The following GEMIN2 variants were observed in gnomAD, a reference collection of about 807,000 sequenced individuals.
The protein encoded by GEMIN2 is gem nuclear organelle associated protein 2.
A neutral mutation model predicts 45.8 loss-of-function variants in GEMIN2; 37 were observed. The observed-to-expected ratio is 0.81, with a 90% CI of 0.62 to 1.06. The LOEUF (loss-of-function observed/expected upper bound fraction) is 1.06. GEMIN2 is among the 50% of genes least tolerant of loss of function. The pLI is 0.00. For synonymous variants in GEMIN2, 101 were observed against 111.5 expected (o/e 0.91, Z 0.60); for missense variants, 335 against 321.8 (o/e 1.04, Z -0.31).
intron 8 of GEMIN2, among the ~76,000 whole-genome samples, chr14:39,133,018 GTGTGTGTGTA>G (rs2052738922): frequency 7.8e-6 from 1 of 128,240 alleles, no homozygotes; most frequent in African/African-American, 3.3e-5. Flanking sequence ...ATGTGTGTGT[GTGTGTGTGTA>G]TATATATATA....
At chr14:39,129,194 G>A (rs1245595523) in intron 7 of GEMIN2, among the ~76,000 whole-genome samples, 1 of 152,130 alleles carries the variant, frequency 6.6e-6, no homozygotes, top group Non-Finnish European at 1.5e-5. Context: ...ACAGTATTCA[G>A]TATAGTAATG....
chr14:39,122,197 A>T (rs559667257), intron 4 of GEMIN2, among the ~76,000 whole-genome samples: 7 of 152,234 alleles, frequency 4.6e-5, no homozygotes, highest in Non-Finnish European at 7.4e-5. Flanking sequence ...AATGGCCTCA[A>T]TTTAAATTAA....
At position 39,128,067 on chromosome 14, in the gene GEMIN2, C is replaced by CAAAAAAAAAAAAAAAAAAAAAAA. The variant is rs1212260025; in HGVS notation, c.532-209_532-187dup. Reference sequence around the variant, plus strand: ...TGGGCAACAGAGTGAGACTCTATCTCAAAAAAAAAAAAAAAAAAAAAAAAA... The same window carrying CAAAAAAAAAAAAAAAAAAAAAAA: ...TGGGCAACAGAGTGAGACTCTATCTCAAAAAAAAAAAAAAAAAAAAAAAAAAAAAAAAAAAAAAAAAAAAAAAA... On this transcript the variant is annotated intron_variant, in intron 6 of 9. Coordinates refer to ENST00000308317, the MANE Select transcript of GEMIN2 (RefSeq NM_003616.3). 1.9e-4 allele frequency among the ~76,000 whole-genome samples: 2 copies of CAAAAAAAAAAAAAAAAAAAAAAA among 10,552 alleles called. 1 individual carries two copies. The allele number at this position is 10,552 out of a possible 152,430, so 6.9% of individuals were successfully genotyped here.
At position 39,132,177 on chromosome 14, in the gene GEMIN2, ATTAGAT is replaced by A. The variant is rs571340915; in HGVS notation, c.711+112_711+117del. On this transcript the variant is annotated intron_variant, in intron 8 of 9. Coordinates refer to ENST00000308317, the MANE Select transcript of GEMIN2 (RefSeq NM_003616.3). ...CACATGGAATATTTTATTGGTGGCA[ATTAGAT>A]TTGTAAAGCCCAAAATAATAGTAGC... is the stretch of plus-strand genomic sequence containing the variant. The A allele has an allele frequency of 4.3e-3, 2,919 of 680,684 alleles. 14 individuals are homozygous for A. Among genetic ancestry groups the A allele is most frequent in the Non-Finnish European group, 6.6e-3 (2,507 of 377,176 alleles). The allele number at this position is 680,684 out of a possible 1,614,324, so 42.2% of individuals were successfully genotyped here.
At position 39,119,550 on chromosome 14, in the gene GEMIN2, C is replaced by T. The variant is rs1029090265; in HGVS notation, c.372+951C>T. Among the ~76,000 whole-genome samples, 19 of 150,004 alleles carry T rather than the reference C, an allele frequency of 1.3e-4. 1 individual carries two copies. ...GAATCTAATGAAAGCTATTTATCTTCAGAGGGAAAAAAAATGCACCTATGC... is the reference window on the plus strand; with the variant it reads ...GAATCTAATGAAAGCTATTTATCTTTAGAGGGAAAAAAAATGCACCTATGC... On this transcript the variant is annotated intron_variant, in intron 4 of 9. Coordinates refer to ENST00000308317, the MANE Select transcript of GEMIN2 (RefSeq NM_003616.3).
At chr14:39,114,737 A>T in intron 1 of GEMIN2, 92 bp from the exon 2 acceptor site, 1 of 774,654 alleles carries the variant, frequency 1.3e-6, no homozygotes, top group South Asian at 1.6e-5. Flanking sequence ...TTCTGATTTC[A>T]CAATGAACTG....
At chr14:39,135,960 C>A (rs2052776484) in intron 9 of GEMIN2, among the ~76,000 whole-genome samples, 1 of 151,980 alleles carries the variant, frequency 6.6e-6, no homozygotes, top group African/African-American at 2.4e-5. Context: ...GTGGCTCAAG[C>A]CTGTAATTCC....
intron 9 of GEMIN2, 40 bp downstream of exon 9, chr14:39,133,759 G>C: frequency 9.2e-7 from 1 of 1,081,342 alleles, no homozygotes; most frequent in East Asian, 2.6e-5. Flanking sequence ...TTATCAGTGA[G>C]GTCAGTGAGG....
At chr14:39,127,114 CAG>C (rs1229294080) in intron 6 of GEMIN2, among the ~76,000 whole-genome samples, 14 of 126,068 alleles carry the variant, frequency 1.1e-4, no homozygotes, top group Non-Finnish European at 1.8e-4. Context: ...TTTTTTGAGA[CAG>C]AGTTTCGCCT....
intron 2 of GEMIN2, among the ~76,000 whole-genome samples, chr14:39,115,979 A>T (rs1468109496): frequency 1.3e-5 from 2 of 152,188 alleles, no homozygotes; most frequent in East Asian, 3.8e-4. Flanking sequence ...TGAAGAAAAT[A>T]AGCATGTATA....
At chr14:39,129,477 GATC>G (rs1486712765) in intron 7 of GEMIN2, among the ~76,000 whole-genome samples, 1 of 151,988 alleles carries the variant, frequency 6.6e-6, no homozygotes, top group Non-Finnish European at 1.5e-5. Flanking sequence ...GCAGTAGCGC[GATC>G]TCGGCTCACT....
intron 5 of GEMIN2, among the ~76,000 whole-genome samples, chr14:39,123,334 A>G (rs1687553767): frequency 6.6e-6 from 1 of 152,164 alleles, no homozygotes; most frequent in African/African-American, 2.4e-5. Context: ...AAAAGCCCCA[A>G]GAATCAATAA....
intron 7 of GEMIN2, among the ~76,000 whole-genome samples, chr14:39,129,326 C>G (rs555651290): frequency 6.6e-6 from 1 of 152,212 alleles, no homozygotes; most frequent in South Asian, 2.1e-4. Flanking sequence ...CAAAAATCAC[C>G]TAACAATGCA....
intron 4 of GEMIN2, among the ~76,000 whole-genome samples, chr14:39,120,404 G>C (rs1469078705): frequency 6.6e-6 from 1 of 152,114 alleles, no homozygotes; most frequent in East Asian, 1.9e-4. Context: ...AAAGTACACT[G>C]TGATGGCAAC....
At chr14:39,129,974 T>C (rs1222513188) in intron 7 of GEMIN2, among the ~76,000 whole-genome samples, 1 of 124,000 alleles carries the variant, frequency 8.1e-6, no homozygotes, top group Non-Finnish European at 1.6e-5. Flanking sequence ...GGAGTCTCAC[T>C]CTGTCACCCA....
chr14:39,132,127 G>GA, intron 8 of GEMIN2, 59 bp downstream of exon 8: 1 of 802,586 alleles, frequency 1.2e-6, no homozygotes, highest in Non-Finnish European at 2.2e-6. Context: ...TGGTGGTAAA[G>GA]AAGGAGTTCA....
intron 7 of GEMIN2, among the ~76,000 whole-genome samples, chr14:39,129,413 T>C (rs1488700634): frequency 6.6e-6 from 1 of 152,150 alleles, no homozygotes; most frequent in Admixed American, 6.6e-5. Context: ...TATTTATTTT[T>C]TATTTATTTG....
chr14:39,134,858 A>T (rs760441262), intron 9 of GEMIN2, among the ~76,000 whole-genome samples: 3 of 152,240 alleles, frequency 2.0e-5, no homozygotes, highest in Non-Finnish European at 2.9e-5. Context: ...TCAAAAATTA[A>T]GCTAATACCT....
intron 6 of GEMIN2, among the ~76,000 whole-genome samples, chr14:39,127,501 C>T (rs1030997474): frequency 3.3e-5 from 5 of 151,788 alleles, no homozygotes; most frequent in Non-Finnish European, 5.9e-5. Flanking sequence ...CACCACCATG[C>T]CCGGCTAATT....
Sources: allele counts gnomAD v4.1 joint callset (sites outside exome capture counted in the v4.1 genomes callset), GRCh38; gene constraint gnomAD v4.1.1; transcripts MANE v1.5; gene names NCBI Gene and HGNC (gene_info 2026-07-23, HGNC 2026-07-21).